Variants in HHIPL1 observed in about 807,000 individuals in gnomAD.
HHIPL1 encodes the protein HHIP like 1, also known as HHIP-like protein 1.
Under a neutral mutation model 61.8 loss-of-function variants are expected in HHIPL1, and 43 were observed. The ratio of observed to expected loss-of-function variants is 0.70; its 90% CI spans 0.55 to 0.90. The LOEUF (loss-of-function observed/expected upper bound fraction) is 0.90. Ranked by LOEUF, HHIPL1 falls within the 40% of genes least tolerant of loss-of-function variation. The pLI, the probability that HHIPL1 is intolerant of heterozygous loss-of-function variation, is 0.00. For missense variants in HHIPL1, 1,056 were observed against 1,157.7 expected, an observed-to-expected ratio of 0.91 and a Z score of 1.28; for synonymous variants, 482 against 515.8, an observed-to-expected ratio of 0.93 and a Z score of 0.89.
the HHIPL1 span, among the ~76,000 whole-genome samples, chr14:99,630,260 A>C: frequency 6.6e-6 from 1 of 152,226 alleles, no homozygotes; most frequent in African/African-American, 2.4e-5. Context: ...GACCTGCCCC[A>C]TCGCACACCG....
the HHIPL1 span, among the ~76,000 whole-genome samples, chr14:99,615,667 AAAAG>A: frequency 7.5e-3 from 1,137 of 151,906 alleles, 7 homozygotes; most frequent in Middle Eastern, 0.02. Context: ...GAAAGAAAGA[AAAAG>A]AAAGAAGGAA....
At position 99,660,497 on chromosome 14, in the gene HHIPL1, G is replaced by A; in HGVS notation, c.1502+91G>A. Reference sequence around the variant, plus strand: ...TAAAGGGGAGTGTATGTGTGCGCCCGTTCCTGCACATGTGCCTCGCTGCTC... The same window carrying A: ...TAAAGGGGAGTGTATGTGTGCGCCCATTCCTGCACATGTGCCTCGCTGCTC... On this transcript the variant is annotated intron_variant, in intron 5 of 8. Transcript: ENST00000330710. The surrounding 1 kb of genome is among the most constrained non-coding windows in gnomAD (Gnocchi z 4.9). The A allele has an allele frequency of 2.8e-6, 4 of 1,452,470 alleles. No homozygotes were observed. The highest frequency in any genetic ancestry group is 3.8e-6 in the Non-Finnish European group (4 of 1,064,658). 90.0% of individuals were successfully genotyped at this position (1,452,470 alleles called of 1,614,324 possible). A position where few individuals can be genotyped will look rare whatever the true frequency, so the allele number is the denominator to read the frequency against.
At chr14:99,615,688 AAAG>A in the HHIPL1 span, among the ~76,000 whole-genome samples, 2 of 151,792 alleles carry the variant, frequency 1.3e-5, no homozygotes, top group Non-Finnish European at 2.9e-5. Flanking sequence ...GGAAGGAAAG[AAAG>A]AAAGAGAAAG....
chr14:99,672,098 G>T (rs528303515), intron 7 of HHIPL1, among the ~76,000 whole-genome samples: 1 of 152,366 alleles, frequency 6.6e-6, no homozygotes, highest in African/African-American at 2.4e-5. Context: ...GAGGCTGAGC[G>T]TGCAGCCGGT....
At chr14:99,641,416 C>T, upstream of HHIPL1, among the ~76,000 whole-genome samples, 3 of 147,896 alleles carry the variant, frequency 2.0e-5, no homozygotes, top group Non-Finnish European at 1.5e-5. Flanking sequence ...CTTTCTTTTT[C>T]TTTCTTTTTT....
At position 99,660,966 on chromosome 14, in the gene HHIPL1, G is replaced by C. The variant is rs1182933242; in HGVS notation, c.1502+560G>C. Among the ~76,000 whole-genome samples the C allele has an allele frequency of 6.6e-6, 1 of 152,164 alleles. No individual in the cohort carries two copies. The highest frequency in any genetic ancestry group is 1.5e-5 in the Non-Finnish European group (1 of 68,030). On this transcript the variant is annotated intron_variant, in intron 5 of 8. Coordinates refer to ENST00000330710, the MANE Select transcript of HHIPL1 (RefSeq NM_001127258.3). The surrounding 1 kb of genome is among the most constrained non-coding windows in gnomAD (Gnocchi z 4.9). ...AGGAGGTGGGGCTCTTGTGGCCTTGGAGCCTTGCTGCCCTGCCCCCGTGCT... is the reference window on the plus strand; with the variant it reads ...AGGAGGTGGGGCTCTTGTGGCCTTGCAGCCTTGCTGCCCTGCCCCCGTGCT...
upstream of HHIPL1, among the ~76,000 whole-genome samples, chr14:99,641,945 T>C (rs1392068949): frequency 6.6e-6 from 1 of 151,968 alleles, no homozygotes; most frequent in Non-Finnish European, 1.5e-5. Context: ...TCTTAGCCTT[T>C]TTTTTTTTCT....
the HHIPL1 span, among the ~76,000 whole-genome samples, chr14:99,608,100 C>T: frequency 1.3e-5 from 2 of 151,916 alleles, no homozygotes; most frequent in Non-Finnish European, 2.9e-5. Flanking sequence ...GCAGTACAAG[C>T]AAAGGCCCAG....
chr14:99,669,777 T>C (rs1170311200), intron 7 of HHIPL1, among the ~76,000 whole-genome samples: 1 of 152,066 alleles, frequency 6.6e-6, no homozygotes, highest in Admixed American at 6.5e-5. Flanking sequence ...ATTAAAAAAT[T>C]AGTCTGGTGT....
chr14:99,668,509 T>G lies in HHIPL1; in HGVS notation c.1730+206T>G, dbSNP rs369728884. Among the ~76,000 whole-genome samples, 27 of 152,214 alleles carry G rather than the reference T, an allele frequency of 1.8e-4. 1 individual carries two copies. The East Asian group carries it at 3.1e-3, about 17-fold the overall frequency. ...GGATTCAGACCCGGGTCTGCACGCC[T>G]CAAAGCACAGGTCTATTAGGATAGG... On this transcript the variant is annotated intron_variant, in intron 7 of 8. Transcript: ENST00000330710. The surrounding 1 kb of genome is among the most constrained non-coding windows in gnomAD (Gnocchi z 4.7).
At chr14:99,667,673 AG>A (rs1285600439) in intron 6 of HHIPL1, among the ~76,000 whole-genome samples, 1 of 152,178 alleles carries the variant, frequency 6.6e-6, no homozygotes, top group Non-Finnish European at 1.5e-5. Context: ...AGGACCTGGC[AG>A]GGCCCAAATC....
At chr14:99,654,576 G>A (rs1337804384) in intron 2 of HHIPL1, among the ~76,000 whole-genome samples, 1 of 152,232 alleles carries the variant, frequency 6.6e-6, no homozygotes, top group East Asian at 1.9e-4. Flanking sequence ...AGAGGAGGTA[G>A]GGGGAGGGCC....
chr14:99,628,978 G>A, the HHIPL1 span, among the ~76,000 whole-genome samples: 5 of 152,322 alleles, frequency 3.3e-5, no homozygotes, highest in South Asian at 2.1e-4. Context: ...TGGTCACCGC[G>A]GCGCTGTGCT....
the HHIPL1 span, among the ~76,000 whole-genome samples, chr14:99,637,670 C>G: frequency 1.3e-5 from 2 of 152,122 alleles, no homozygotes; most frequent in Admixed American, 1.3e-4. Context: ...GTGGAACCTG[C>G]ACACAGTCGC....
chr14:99,609,216 T>TCTG, the HHIPL1 span, among the ~76,000 whole-genome samples: 8 of 152,212 alleles, frequency 5.3e-5, no homozygotes. Flanking sequence ...TCTATCACTG[T>TCTG]CTGGGTGGGT....
intron 2 of HHIPL1, among the ~76,000 whole-genome samples, chr14:99,654,501 G>A (rs140768716): frequency 1.3e-3 from 192 of 152,314 alleles, no homozygotes; most frequent in Non-Finnish European, 1.9e-3. Flanking sequence ...GCTGAACCTC[G>A]CTGGAGGCCA....
Position 99,645,186 on chromosome 14 carries a change from T to A in HHIPL1, c.-22T>A. The A allele has an allele frequency of 7.9e-7, 1 of 1,264,832 alleles. No individual in the cohort carries two copies. The highest frequency in any genetic ancestry group is 2.8e-5 in the South Asian group (1 of 36,286). 78.4% of individuals were successfully genotyped at this position (1,264,832 alleles called of 1,614,324 possible). ...GGACCGGGGCTGCCGTCCCTCCGCC[T>A]CTTCCCCCGCGGGGCGTAGCGATGG... On this transcript the variant is annotated 5_prime_UTR_variant, in exon 1 of 9. Transcript: ENST00000330710.
the HHIPL1 span, among the ~76,000 whole-genome samples, chr14:99,615,599 A>T: frequency 6.6e-6 from 1 of 151,658 alleles, no homozygotes; most frequent in Non-Finnish European, 1.5e-5. Flanking sequence ...AGAAAGAGAG[A>T]GAGAGGAAAG....
At chr14:99,615,025 C>T in the HHIPL1 span, among the ~76,000 whole-genome samples, 1 of 152,014 alleles carries the variant, frequency 6.6e-6, no homozygotes, top group Non-Finnish European at 1.5e-5. Context: ...ATCCTCAAAC[C>T]ATGGTGCGTA....
Sources: gnomAD v4.1 joint callset for allele counts (sites outside exome capture counted in the v4.1 genomes callset) on GRCh38, gnomAD v4.1.1 for gene constraint, Gnocchi (gnomAD v3.1) non-coding constraint, MANE v1.5 for transcripts, NCBI Gene and HGNC (gene_info 2026-07-23, HGNC 2026-07-21) for gene names.